Variants in AKAP12 observed in about 807,000 individuals in gnomAD.
The protein encoded by AKAP12 is A-kinase anchoring protein 12.
In AKAP12, 32 loss-of-function variants were observed where a neutral mutation model predicts 79.9. The observed-to-expected ratio is 0.40, with a 90% CI of 0.30 to 0.54. The LOEUF (loss-of-function observed/expected upper bound fraction) is 0.54, where lower values mean the gene tolerates loss of function less well. AKAP12 is among the 20% of genes least tolerant of loss of function. AKAP12 has a pLI of 0.48. For missense variants in AKAP12, 2,074 were observed against 2,177.0 expected (o/e 0.95, Z 0.94); for synonymous variants, 808 against 857.0 (o/e 0.94, Z 1.00).
intron 2 of AKAP12, among the ~76,000 whole-genome samples, chr6:151,294,589 C>A (rs949043384): frequency 6.6e-6 from 1 of 152,164 alleles, no homozygotes; most frequent in African/African-American, 2.4e-5. Flanking sequence ...TTCTGGCAGG[C>A]CATCTTCATG....
chr6:151,265,181 A>G (rs1797528160), intron 2 of AKAP12, among the ~76,000 whole-genome samples: 1 of 150,600 alleles, frequency 6.6e-6, no homozygotes, highest in Non-Finnish European at 1.5e-5. Flanking sequence ...TATCTTAGGG[A>G]CAAAGTTAAA....
At position 151,349,511 on chromosome 6, in the gene AKAP12, T is replaced by C. The variant is rs1778215530; in HGVS notation, c.1120T>C (p.Tyr374His). Reference protein sequence around the residue: ...SAHEPRLSAEYEKVELPSEEQ... With the variant: ...SAHEPRLSAEHEKVELPSEEQ... Reference sequence around the variant, plus strand: ...CCACGAGCCCCGGTTATCAGCTGAATATGAGAAAGTTGAGCTGCCCTCAGA... The same window carrying C: ...CCACGAGCCCCGGTTATCAGCTGAACATGAGAAAGTTGAGCTGCCCTCAGA... The change falls in exon 4 of 5, where the codon TAT (tyrosine) becomes CAT (histidine). Residue 374 changes from tyrosine (Y) to histidine (H), a missense_variant. Physicochemically the swap from Tyr to His is moderately conservative, Grantham distance 83. Around this residue, in one of 3 missense-constraint regions of AKAP12, gnomAD observed 1,428 missense variants for 1,451.0 expected, o/e 0.98. Coordinates refer to ENST00000402676, the MANE Select transcript of AKAP12 (RefSeq NM_005100.4). 2 of 1,609,714 alleles carry C rather than the reference T, an allele frequency of 1.2e-6. No individual in the cohort carries two copies. The highest frequency in any genetic ancestry group is 1.7e-5 in the Admixed American group (1 of 58,596).
chr6:151,346,297 G>A (rs1489445883), intron 3 of AKAP12, among the ~76,000 whole-genome samples: 4 of 151,908 alleles, frequency 2.6e-5, no homozygotes, highest in African/African-American at 9.7e-5. Context: ...TTACAAACCC[G>A]GAAAAATATA....
chr6:151,299,647 A>T (rs762632112), intron 2 of AKAP12, among the ~76,000 whole-genome samples: 13 of 152,152 alleles, frequency 8.5e-5, no homozygotes, highest in Non-Finnish European at 1.8e-4. Flanking sequence ...TAAGCCAGGG[A>T]CATCTTCACA....
At chr6:151,299,190 A>G (rs1234773260) in intron 2 of AKAP12, among the ~76,000 whole-genome samples, 1 of 152,248 alleles carries the variant, frequency 6.6e-6, no homozygotes, top group Non-Finnish European at 1.5e-5. Context: ...GAGGACATTA[A>G]TATGTTATTT....
chr6:151,305,743 A>G lies in AKAP12; in HGVS notation c.163-4A>G. ...AAGTTTCTATGGCTTTGTCTTTTCC[A>G]TAGCTCCTACAGAAGAATGGTCAGC... On this transcript the variant is annotated splice_region_variant and splice_polypyrimidine_tract_variant and intron_variant, in intron 2 of 4. Coordinates refer to ENST00000402676, the MANE Select transcript of AKAP12 (RefSeq NM_005100.4). 1 of 1,606,288 alleles carries G rather than the reference A, an allele frequency of 6.2e-7. No individual in the cohort carries two copies. The highest frequency in any genetic ancestry group is 8.5e-7 in the Non-Finnish European group (1 of 1,176,664).
At chr6:151,313,052 A>G (rs1687172205) in intron 3 of AKAP12, among the ~76,000 whole-genome samples, 1 of 152,206 alleles carries the variant, frequency 6.6e-6, no homozygotes, top group South Asian at 2.1e-4. Context: ...ACTCTGTATC[A>G]ATTCATTTCC....
At chr6:151,281,571 C>T (rs1776408437) in intron 2 of AKAP12, among the ~76,000 whole-genome samples, 1 of 152,188 alleles carries the variant, frequency 6.6e-6, no homozygotes, top group Non-Finnish European at 1.5e-5. Context: ...CCTCCCAAAT[C>T]CTAACTCAAC....
chr6:151,336,422 G>A (rs912636017), intron 3 of AKAP12, among the ~76,000 whole-genome samples: 3 of 152,028 alleles, frequency 2.0e-5, no homozygotes, highest in African/African-American at 2.4e-5. Flanking sequence ...ACATCTGTGC[G>A]AACATCTGTT....
At chr6:151,343,956 G>A (rs1778015907) in intron 3 of AKAP12, 1 of 456,148 alleles carries the variant, frequency 2.2e-6, no homozygotes, top group African/African-American at 2.1e-5. Flanking sequence ...AATGGGAAGA[G>A]TGTATATATC....
chr6:151,254,813 A>G (rs1306614625), intron 2 of AKAP12, among the ~76,000 whole-genome samples: 1 of 152,242 alleles, frequency 6.6e-6, no homozygotes, highest in Admixed American at 6.5e-5. Flanking sequence ...TTGAATCGCA[A>G]CAATGACAGA....
At chr6:151,270,285 C>T (rs934459391) in intron 2 of AKAP12, among the ~76,000 whole-genome samples, 1 of 152,172 alleles carries the variant, frequency 6.6e-6, no homozygotes, top group South Asian at 2.1e-4. Flanking sequence ...CTTGAACTCG[C>T]AACCTCAGGT....
At chr6:151,322,616 G>C (rs1178256417) in intron 3 of AKAP12, among the ~76,000 whole-genome samples, 1 of 150,746 alleles carries the variant, frequency 6.6e-6, no homozygotes, top group Non-Finnish European at 1.5e-5. Context: ...CCCCAGGTAG[G>C]GAGTGTCCCC....
Position 151,349,473 on chromosome 6 carries a change from C to A in AKAP12, c.1082C>A (p.Pro361Gln). ...TASEQAHPQE[P>Q]AESAHEPRLS... ...TCCGAGCAAGCCCACCCACAGGAGCCGGCAGAAAGTGCCCACGAGCCCCGG... is the reference window on the plus strand; with the variant it reads ...TCCGAGCAAGCCCACCCACAGGAGCAGGCAGAAAGTGCCCACGAGCCCCGG... Residue 361 changes from proline to glutamine, a missense_variant, in exon 4 of 5, where the codon CCG (proline) becomes CAG (glutamine). By Grantham distance (76) the Pro-to-Gln change is moderately conservative. Around this residue, in one of 3 missense-constraint regions of AKAP12, gnomAD observed 1,428 missense variants for 1,451.0 expected, o/e 0.98. Coordinates refer to ENST00000402676, the MANE Select transcript of AKAP12 (RefSeq NM_005100.4). 6.2e-7 allele frequency: 1 copy of A among 1,605,944 alleles called. No homozygotes were observed. The highest frequency in any genetic ancestry group is 8.5e-7 in the Non-Finnish European group (1 of 1,177,616).
intron 2 of AKAP12, among the ~76,000 whole-genome samples, chr6:151,250,741 G>C (rs918048428): frequency 6.6e-6 from 1 of 151,410 alleles, no homozygotes; most frequent in African/African-American, 2.4e-5. Context: ...GAGTAGCTGG[G>C]ACTACAGGCG....
At chr6:151,301,536 A>G (rs1021585230) in intron 2 of AKAP12, among the ~76,000 whole-genome samples, 14 of 152,212 alleles carry the variant, frequency 9.2e-5, no homozygotes, top group Non-Finnish European at 1.3e-4. Context: ...GGGATGGAAG[A>G]AAAAACAAAA....
intron 3 of AKAP12, among the ~76,000 whole-genome samples, chr6:151,332,740 G>A (rs915712675): frequency 2.6e-5 from 4 of 152,054 alleles, no homozygotes; most frequent in Admixed American, 6.6e-5. Context: ...GTACGAAGAC[G>A]GAGGTGCCTG....
chr6:151,318,272 G>C (rs895871980), intron 3 of AKAP12, among the ~76,000 whole-genome samples: 3 of 152,170 alleles, frequency 2.0e-5, no homozygotes, highest in Non-Finnish European at 4.4e-5. Context: ...GCAGGATTGT[G>C]GAAAATAAAA....
chr6:151,248,541 G>C (rs2114680452), intron 2 of AKAP12, among the ~76,000 whole-genome samples: 1 of 152,318 alleles, frequency 6.6e-6, no homozygotes, highest in South Asian at 2.1e-4. Flanking sequence ...CTGGGTGATA[G>C]CATGTGCAGA....
Sources: allele counts gnomAD v4.1 joint callset (sites outside exome capture counted in the v4.1 genomes callset), GRCh38; gene constraint gnomAD v4.1.1; regional missense constraint gnomAD v4.1.1; transcripts MANE v1.5; gene names NCBI Gene and HGNC (gene_info 2026-07-23, HGNC 2026-07-21).